Variants in CRISPLD2 observed in about 807,000 individuals in gnomAD.
The protein encoded by CRISPLD2 is cysteine rich secretory protein LCCL domain containing 2, also known as cysteine-rich secretory protein LCCL domain-containing 2.
In CRISPLD2, 47 loss-of-function variants were observed where a neutral mutation model predicts 71.1. The observed-to-expected ratio is 0.66, with a 90% CI of 0.52 to 0.84. The LOEUF (loss-of-function observed/expected upper bound fraction) is 0.84. CRISPLD2 is among the 40% of genes least tolerant of loss of function. The probability of loss-of-function intolerance (pLI) is 0.00; values close to 1 mark genes in which losing one functional copy is unlikely to be tolerated. For missense variants in CRISPLD2, 830 were observed against 651.1 expected (o/e 1.27, Z -2.99); for synonymous variants, 317 against 250.1 (o/e 1.27, Z -2.52).
intron 7 of CRISPLD2, 111 bp from the exon 8 acceptor site, chr16:84,868,735 TTAGTA>T (rs1917610290): frequency 3.5e-6 from 3 of 858,910 alleles, no homozygotes; most frequent in Non-Finnish European, 3.8e-6. Flanking sequence ...GCCCTTGCTC[TTAGTA>T]TAGCACGGAT....
At chr16:84,893,369 G>A (rs780375259) in intron 14 of CRISPLD2, among the ~76,000 whole-genome samples, 2 of 152,208 alleles carry the variant, frequency 1.3e-5, no homozygotes, top group Non-Finnish European at 2.9e-5. Flanking sequence ...CAGGTGGCTG[G>A]ATCCTAAGAA....
intron 14 of CRISPLD2, among the ~76,000 whole-genome samples, chr16:84,893,499 G>A (rs907119889): frequency 1.3e-5 from 2 of 152,186 alleles, no homozygotes; most frequent in African/African-American, 4.8e-5. Context: ...CACTTAGGGA[G>A]CGCTGACGAT....
intron 14 of CRISPLD2, among the ~76,000 whole-genome samples, chr16:84,902,343 C>T (rs954925774): frequency 6.6e-6 from 1 of 151,878 alleles, no homozygotes; most frequent in Non-Finnish European, 1.5e-5. Context: ...GGCGCAGTGG[C>T]TCACGCCTGT....
chr16:84,873,492 G>GAAA (rs2071490263), intron 10 of CRISPLD2: 8 of 39,124 alleles, frequency 2.0e-4, no homozygotes, highest in East Asian at 1.4e-3. Flanking sequence ...AAAAAAAAAA[G>GAAA]AAAACAACAA....
At chr16:84,888,890 C>A (rs771747020) in intron 13 of CRISPLD2, among the ~76,000 whole-genome samples, 2 of 152,180 alleles carry the variant, frequency 1.3e-5, no homozygotes, top group South Asian at 4.1e-4. Flanking sequence ...TCTTCATAGC[C>A]GATGCTACCT....
At chr16:84,899,615 C>T (rs556416586) in intron 14 of CRISPLD2, among the ~76,000 whole-genome samples, 4 of 152,236 alleles carry the variant, frequency 2.6e-5, no homozygotes, top group South Asian at 4.1e-4. Context: ...GCATCCTGGG[C>T]GGTGTCAGCA....
chr16:84,824,913 G>A (rs1916312440), intron 1 of CRISPLD2, among the ~76,000 whole-genome samples: 2 of 151,706 alleles, frequency 1.3e-5, no homozygotes, highest in South Asian at 4.2e-4. Flanking sequence ...AGACCAGCCT[G>A]ACCAACAAGG....
intron 6 of CRISPLD2, among the ~76,000 whole-genome samples, chr16:84,857,856 A>G (rs953666913): frequency 6.6e-6 from 1 of 152,164 alleles, no homozygotes; most frequent in African/African-American, 2.4e-5. Context: ...TGCTTTCAGG[A>G]CTTGCTTGAG....
intron 11 of CRISPLD2, among the ~76,000 whole-genome samples, chr16:84,876,272 C>T (rs1445401629): frequency 1.3e-5 from 2 of 152,220 alleles, no homozygotes; most frequent in Admixed American, 6.5e-5. Context: ...GACGTCCAGG[C>T]AGATGGGTCA....
chr16:84,864,321 G>A (rs150171722), intron 6 of CRISPLD2, among the ~76,000 whole-genome samples: 107 of 152,326 alleles, frequency 7.0e-4, no homozygotes, highest in African/African-American at 2.3e-3. Context: ...AGGACTGTCT[G>A]TCTGCCCATT....
At chr16:84,873,212 C>A in intron 10 of CRISPLD2, 90 bp downstream of exon 10, 1 of 1,483,172 alleles carries the variant, frequency 6.7e-7, no homozygotes, top group African/African-American at 1.4e-5. Flanking sequence ...ACAGGCCGGG[C>A]GTGGTGGCTC....
At position 84,845,618 on chromosome 16, in the gene CRISPLD2, C is replaced by A. The variant is rs111323802; in HGVS notation, c.241-168C>A. On this transcript the variant is annotated intron_variant, in intron 2 of 14. Coordinates refer to ENST00000262424, the MANE Select transcript of CRISPLD2 (RefSeq NM_031476.4). The stretch of plus-strand genomic sequence containing the variant: ...CCTGAGGATAGGCTTGGAGCCGGCA[C>A]GTCTGGCCTGCCACGCCCCCCTGGC... Among the ~76,000 whole-genome samples, 1,113 of 152,366 alleles carry A rather than the reference C, an allele frequency of 7.3e-3. 13 individuals carry two copies. The highest frequency in any genetic ancestry group is 0.026 in the African/African-American group (1,062 of 41,584).
At chr16:84,852,497 T>G (rs1208337285) in intron 5 of CRISPLD2, among the ~76,000 whole-genome samples, 2 of 152,230 alleles carry the variant, frequency 1.3e-5, no homozygotes, top group Admixed American at 6.5e-5. Context: ...TGGTGAGGTC[T>G]CCCCGTGGTG....
At chr16:84,855,325 G>A (rs886270603) in intron 6 of CRISPLD2, among the ~76,000 whole-genome samples, 3 of 152,020 alleles carry the variant, frequency 2.0e-5, no homozygotes, top group Non-Finnish European at 4.4e-5. Flanking sequence ...TTAAACTCAC[G>A]TGATCACAAG....
chr16:84,838,301 G>A (rs1741065396), intron 1 of CRISPLD2, 121 bp from the exon 2 acceptor site: 2 of 647,728 alleles, frequency 3.1e-6, no homozygotes, highest in Non-Finnish European at 5.3e-6. Context: ...GCTTCTGTGG[G>A]CCTCAGTTTC....
Position 84,887,324 on chromosome 16 carries a change from G to A in CRISPLD2, c.1306-1906G>A, listed in dbSNP as rs978556457. On this transcript the variant is annotated intron_variant, in intron 13 of 14. Transcript: ENST00000262424. The stretch of plus-strand genomic sequence containing the variant: ...GGACAGAATATGGGGAGTCTGCCCC[G>A]TTCACCCTCCCCACCCTTGAACCAC... Among the ~76,000 whole-genome samples, 7 of 152,216 alleles carry A rather than the reference G, an allele frequency of 4.6e-5. No individual in the cohort carries two copies. In the East Asian group the frequency reaches 5.8e-4, roughly 13 times the overall value.
intron 5 of CRISPLD2, among the ~76,000 whole-genome samples, chr16:84,852,491 G>T (rs547675305): frequency 4.3e-4 from 66 of 152,348 alleles, no homozygotes; most frequent in African/African-American, 1.3e-3. Flanking sequence ...TCACATTGGT[G>T]AGGTCTCCCC....
intron 1 of CRISPLD2, among the ~76,000 whole-genome samples, chr16:84,829,410 G>T (rs962724285): frequency 1.3e-5 from 2 of 152,202 alleles, no homozygotes; most frequent in South Asian, 2.1e-4. Context: ...GACACAAACG[G>T]GGGGAGTGGA....
intron 12 of CRISPLD2, among the ~76,000 whole-genome samples, chr16:84,877,715 C>T (rs986275081): frequency 4.0e-4 from 60 of 151,738 alleles, no homozygotes; most frequent in African/African-American, 1.4e-3. Flanking sequence ...TCAGCCATGG[C>T]GGTGGGTGCC....
Sources: gnomAD v4.1 joint callset for allele counts (sites outside exome capture counted in the v4.1 genomes callset) on GRCh38, gnomAD v4.1.1 for gene constraint, MANE v1.5 for transcripts, NCBI Gene and HGNC (gene_info 2026-07-23, HGNC 2026-07-21) for gene names.